The following CELF5 variants were observed in gnomAD, a reference collection of about 807,000 sequenced individuals.
CELF5 encodes the protein CUGBP Elav-like family member 5.
Under a neutral mutation model 54.9 loss-of-function variants are expected in CELF5, and 6 were observed. The ratio of observed to expected loss-of-function variants is 0.11; its 90% CI spans 0.06 to 0.22. The LOEUF is 0.22. Among genes scored for constraint, CELF5 ranks in the 10% least tolerant of loss-of-function variants. The pLI is 1.00. For synonymous variants in CELF5, 271 were observed against 290.9 expected (o/e 0.93, Z 0.70); for missense variants, 401 against 678.6 (o/e 0.59, Z 4.54).
At chr19:3,287,600 G>T (rs1568365073) in intron 10 of CELF5, among the ~76,000 whole-genome samples, 1 of 150,530 alleles carries the variant, frequency 6.6e-6, no homozygotes, top group Non-Finnish European at 1.5e-5. Flanking sequence ...TAAAAACGAG[G>T]AAAGCTGGCT....
intron 2 of CELF5, among the ~76,000 whole-genome samples, chr19:3,252,390 C>T (rs764098175): frequency 2.7e-4 from 41 of 152,146 alleles, no homozygotes; most frequent in Non-Finnish European, 4.9e-4. Context: ...AGGCCCCTGC[C>T]CCCAGTGAAG....
chr19:3,271,158 A>AG (rs998185189), intron 2 of CELF5, among the ~76,000 whole-genome samples: 30 of 13,286 alleles, frequency 2.3e-3, no homozygotes, highest in African/African-American at 8.4e-3. Flanking sequence ...AGGTGCTGGG[A>AG]GGGGGGAGGA....
At chr19:3,253,806 TC>T (rs1276298357) in intron 2 of CELF5, among the ~76,000 whole-genome samples, 1 of 144,604 alleles carries the variant, frequency 6.9e-6, no homozygotes, top group African/African-American at 2.6e-5. Context: ...TTGCTTGGCA[TC>T]AGGTCCTGGG....
intron 1 of CELF5, among the ~76,000 whole-genome samples, chr19:3,230,909 C>T (rs1168140214): frequency 6.6e-6 from 1 of 152,100 alleles, no homozygotes; most frequent in African/African-American, 2.4e-5. Flanking sequence ...AGGAGGAGAT[C>T]GGAGCCCAGA....
chr19:3,245,093 T>A (rs1343648410), intron 1 of CELF5, among the ~76,000 whole-genome samples: 1 of 142,488 alleles, frequency 7.0e-6, no homozygotes, highest in Non-Finnish European at 1.5e-5. Flanking sequence ...GTGTGTAGCG[T>A]TTGGTGTGTG....
chr19:3,286,350 G>C (rs2080248052), intron 10 of CELF5: 1 of 340,360 alleles, frequency 2.9e-6, no homozygotes, highest in Non-Finnish European at 5.3e-6. Flanking sequence ...ATGGCACGAT[G>C]AGGTATCAGG....
chr19:3,268,760 T>C lies in CELF5; in HGVS notation c.343-5112T>C, dbSNP rs2145206385. ...AGTGTGTGTGTTTAGTGGGGAGGGG[T>C]CGTAATCAAGGTAATGCCTGGGCAA... On this transcript the variant is annotated intron_variant, in intron 2 of 12. Coordinates refer to ENST00000292672, the MANE Select transcript of CELF5 (RefSeq NM_021938.4). The surrounding 1 kb of genome is among the most constrained non-coding windows in gnomAD (Gnocchi z 4.4). Among the ~76,000 whole-genome samples the C allele has an allele frequency of 6.6e-6, 1 of 150,580 alleles. No homozygotes were observed. The highest frequency in any genetic ancestry group is 2.0e-4 in the East Asian group (1 of 5,120).
Position 3,282,534 on chromosome 19 carries a change from G to T in CELF5, c.1039+36G>T. ...GTCGTCCTCTGGGGCCTAGGAGAGT[G>T]GTGGGGAATAAAGATGGTGTTTCTG... On this transcript the variant is annotated intron_variant, in intron 8 of 12. Transcript: ENST00000292672. The surrounding 1 kb of genome is among the most constrained non-coding windows in gnomAD (Gnocchi z 5.2). The T allele has an allele frequency of 6.3e-7, 1 of 1,587,084 alleles. No homozygotes were observed. The highest frequency in any genetic ancestry group is 1.1e-5 in the South Asian group (1 of 87,906).
chr19:3,227,586 C>T (rs566816154), intron 1 of CELF5, among the ~76,000 whole-genome samples: 4 of 152,182 alleles, frequency 2.6e-5, no homozygotes, highest in African/African-American at 9.6e-5. Flanking sequence ...CCTGGAGGTG[C>T]ACCCGGCTCC....
chr19:3,266,087 G>A (rs1006113056), intron 2 of CELF5, among the ~76,000 whole-genome samples: 4 of 152,170 alleles, frequency 2.6e-5, no homozygotes, highest in African/African-American at 7.2e-5. Flanking sequence ...AATTACAGGC[G>A]TGAGCGCACC....
intron 2 of CELF5, among the ~76,000 whole-genome samples, chr19:3,270,038 G>A (rs1211987692): frequency 4.6e-5 from 7 of 152,068 alleles, no homozygotes; most frequent in Non-Finnish European, 7.3e-5. Flanking sequence ...TCCAAACTCC[G>A]ACTCCTACTC....
In CELF5 at chr19:3,235,722, ATGGG is replaced by A. The variant is rs1485424416; in HGVS notation, c.259+10728_259+10731del. The stretch of plus-strand genomic sequence containing the variant: ...GATGGATGGATGGATGGATGTGTGG[ATGGG>A]TGGATGGATGGATGGATGGATGGAT... On this transcript the variant is annotated intron_variant, in intron 1 of 12. Coordinates refer to ENST00000292672, the MANE Select transcript of CELF5 (RefSeq NM_021938.4). Among the ~76,000 whole-genome samples, 4 of 62,508 alleles carry A rather than the reference ATGGG, an allele frequency of 6.4e-5. No homozygotes were observed. The East Asian group carries it at 2.6e-3, about 40-fold the overall frequency. 41.0% of individuals were successfully genotyped at this position (62,508 alleles called of 152,430 possible).
intron 1 of CELF5, among the ~76,000 whole-genome samples, chr19:3,230,739 C>A (rs1917216125): frequency 6.6e-6 from 1 of 152,056 alleles, no homozygotes; most frequent in South Asian, 2.1e-4. Flanking sequence ...CAGCCTTGCT[C>A]AAAATATGCT....
chr19:3,295,734 A>G (rs2080429260), intron 12 of CELF5: 1 of 152,968 alleles, frequency 6.5e-6, no homozygotes, highest in African/African-American at 2.4e-5. Flanking sequence ...GCCCTCCGGG[A>G]TGGATATAGG....
Position 3,282,313 on chromosome 19 carries a change from C to G in CELF5, c.893-39C>G, listed in dbSNP as rs1323111572. 1 of 1,608,418 alleles carries G rather than the reference C, an allele frequency of 6.2e-7. No homozygotes were observed. The highest frequency in any genetic ancestry group is 8.5e-7 in the Non-Finnish European group (1 of 1,179,798). On this transcript the variant is annotated intron_variant, in intron 7 of 12. Coordinates refer to ENST00000292672, the MANE Select transcript of CELF5 (RefSeq NM_021938.4). The surrounding 1 kb of genome is among the most constrained non-coding windows in gnomAD (Gnocchi z 5.2). ...CAAGGATGGGTGGGCAGGGCTGGAG[C>G]CAGAACTGGCCTCCCCATGACCCTC...
In CELF5 at chr19:3,290,459, G is replaced by A. The variant is rs374523664; in HGVS notation, c.1330+85G>A. The stretch of plus-strand genomic sequence containing the variant: ...GAATGGGAGGGTTTTGGTCGGCCTC[G>A]GGACAGGGCTGTGCTGAAATAATCA... On this transcript the variant is annotated intron_variant, in intron 11 of 12. Coordinates refer to ENST00000292672, the MANE Select transcript of CELF5 (RefSeq NM_021938.4). 161 of 1,464,512 alleles carry A rather than the reference G, an allele frequency of 1.1e-4. 2 individuals are homozygous for A. The East Asian group carries it at 2.0e-3, about 18-fold the overall frequency. The allele number at this position is 1,464,512 out of a possible 1,614,324, so 90.7% of individuals were successfully genotyped here. A position where few individuals can be genotyped will look rare whatever the true frequency, so the allele number is the denominator to read the frequency against.
chr19:3,290,712 C>G (rs559042542), intron 11 of CELF5, among the ~76,000 whole-genome samples: 1 of 149,202 alleles, frequency 6.7e-6, no homozygotes, highest in Non-Finnish European at 1.5e-5. Context: ...TACAGGCGCC[C>G]GCCACCACAC....
intron 1 of CELF5, among the ~76,000 whole-genome samples, chr19:3,233,098 A>AAAATAAAT (rs149983440): frequency 0.013 from 1,947 of 149,762 alleles, 35 homozygotes; most frequent in African/African-American, 0.035. Flanking sequence ...ATTAAAATTA[A>AAAATAAAT]AAATAAATAA....
intron 8 of CELF5, among the ~76,000 whole-genome samples, chr19:3,284,325 C>T (rs1359521618): frequency 6.6e-6 from 1 of 152,150 alleles, no homozygotes; most frequent in Non-Finnish European, 1.5e-5. Context: ...ACAGTCACCA[C>T]CACTATCCCC....
Sources: gnomAD v4.1 joint callset for allele counts (sites outside exome capture counted in the v4.1 genomes callset) on GRCh38, gnomAD v4.1.1 for gene constraint, Gnocchi (gnomAD v3.1) non-coding constraint, MANE v1.5 for transcripts, NCBI Gene and HGNC (gene_info 2026-07-23, HGNC 2026-07-21) for gene names.